The following MYOF variants were observed in gnomAD, a reference collection of about 807,000 sequenced individuals.
The protein encoded by MYOF is fer-1-like 3, myoferlin.
In MYOF, 244 loss-of-function variants were observed where a neutral mutation model predicts 284.2. The observed-to-expected ratio is 0.86, with a 90% confidence interval of 0.77 to 0.95. The LOEUF (loss-of-function observed/expected upper bound fraction) is 0.95, where lower values mean the gene tolerates loss of function less well. Ranked by LOEUF, MYOF falls within the 40% of genes least tolerant of loss-of-function variation. The pLI is 0.00. For synonymous variants in MYOF, 904 were observed against 919.7 expected (o/e 0.98, Z 0.31); for missense variants, 2,496 against 2,560.6 (o/e 0.97, Z 0.54).
intron 37 of MYOF, among the ~76,000 whole-genome samples, chr10:93,345,009 C>T (rs529409005): frequency 3.3e-5 from 5 of 152,094 alleles, no homozygotes; most frequent in African/African-American, 4.8e-5. Context: ...CACCCTGGGG[C>T]GGGGGTAGGA....
At position 93,453,113 on chromosome 10, in the gene MYOF, A is replaced by AG. The variant is rs1436679502; in HGVS notation, c.145-973_145-972insC. ...TTATTTTTAGCACTTCTAAAAAAAA[A>AG]CAAGTTCTCAGTCTCCTCAGTAGCT... On this transcript the variant is annotated intron_variant, in intron 2 of 53. Transcript: ENST00000359263. 3.3e-5 allele frequency among the ~76,000 whole-genome samples: 5 copies of AG among 152,200 alleles called. No individual in the cohort carries two copies. In the East Asian group the frequency reaches 9.7e-4, roughly 29 times the overall value.
rs185543991 is a variant in MYOF, at chr10:93,385,465, T to G, written c.1698+2332A>C. ...CTTTAGCTTTACCAAAAAGTTTTGT[T>G]AGCTGCACATAATCCAGAACAGAGG... On this transcript the variant is annotated intron_variant, in intron 19 of 53. Transcript: ENST00000359263. Among the ~76,000 whole-genome samples the G allele has an allele frequency of 5.3e-3, 803 of 152,308 alleles. 1 individual carries two copies. The highest frequency in any genetic ancestry group is 8.7e-3 in the Non-Finnish European group (594 of 68,026).
At chr10:93,377,715 A>C (rs1845899037) in intron 21 of MYOF, among the ~76,000 whole-genome samples, 1 of 152,176 alleles carries the variant, frequency 6.6e-6, no homozygotes, top group Non-Finnish European at 1.5e-5. Flanking sequence ...AGGCAGAAAA[A>C]AAAAACCCAT....
At chr10:93,308,631 T>C (rs1400545413) in intron 53 of MYOF, among the ~76,000 whole-genome samples, 1 of 150,504 alleles carries the variant, frequency 6.6e-6, no homozygotes, top group Non-Finnish European at 1.5e-5. Flanking sequence ...TGTATAATAG[T>C]GTACATATAC....
At chr10:93,309,184 C>T (rs751147154) in intron 53 of MYOF, among the ~76,000 whole-genome samples, 22 of 152,152 alleles carry the variant, frequency 1.4e-4, no homozygotes, top group Non-Finnish European at 3.1e-4. Flanking sequence ...GGGGTGCCCA[C>T]GGTTGTTTGT....
intron 1 of MYOF, among the ~76,000 whole-genome samples, chr10:93,463,394 A>ATTT (rs1554872325): frequency 2.7e-4 from 21 of 78,914 alleles, no homozygotes; most frequent in African/African-American, 3.3e-4. Context: ...GTCTCTACAA[A>ATTT]TTTTTTTTTT....
intron 1 of MYOF, among the ~76,000 whole-genome samples, chr10:93,462,391 C>A (rs185711452): frequency 1.3e-5 from 2 of 152,228 alleles, no homozygotes; most frequent in Admixed American, 6.5e-5. Context: ...TTACATGCAT[C>A]ATTTCATTGA....
chr10:93,343,767 CTGT>C, intron 38 of MYOF, 86 bp downstream of exon 38: 1 of 1,336,672 alleles, frequency 7.5e-7, no homozygotes, highest in Non-Finnish European at 1.1e-6. Context: ...TTGCAACAAA[CTGT>C]TGTTTGACTG....
intron 3 of MYOF, among the ~76,000 whole-genome samples, chr10:93,440,526 A>C (rs981631962): frequency 6.6e-6 from 1 of 152,002 alleles, no homozygotes; most frequent in East Asian, 1.9e-4. Flanking sequence ...TCTTCGTATC[A>C]CTTATCACCA....
At chr10:93,378,697 A>ATATATATATATGTATATATATATATG (rs1564664778) in intron 21 of MYOF, among the ~76,000 whole-genome samples, 28 of 63,932 alleles carry the variant, frequency 4.4e-4, no homozygotes, top group African/African-American at 2.2e-3. Flanking sequence ...GTGTGTGTAT[A>ATATATATATATGTATATATATATATG]TATATATATA....
chr10:93,432,378 C>T (rs1235584321), intron 3 of MYOF, among the ~76,000 whole-genome samples: 2 of 151,668 alleles, frequency 1.3e-5, no homozygotes, highest in African/African-American at 2.4e-5. Flanking sequence ...CAGAGTGAGA[C>T]CTTGTCTCAA....
Position 93,347,698 on chromosome 10 carries a change from C to T in MYOF, c.4168G>A (p.Gly1390Ser), listed in dbSNP as rs201567412. 9 of 1,614,146 alleles carry T rather than the reference C, an allele frequency of 5.6e-6. No individual in the cohort carries two copies. The East Asian group carries it at 1.6e-4, about 28-fold the overall frequency. ...HRQFGRKPVV[G>S]QCTIERLDRF... Reference sequence around the variant, plus strand: ...TCCAGGCGCTCGATGGTGCACTGGCCGACGACAGGCTTCCGCCCAAACTGC... The same window carrying T: ...TCCAGGCGCTCGATGGTGCACTGGCTGACGACAGGCTTCCGCCCAAACTGC... The change falls in exon 37 of 54, where the codon GGC (glycine) becomes AGC (serine). Residue 1390 changes from glycine to serine, a missense_variant. This residue lies in a region of MYOF where 2,436 missense variants were observed against 2,480.7 expected (regional missense o/e 0.98). Transcript: ENST00000359263.
At position 93,373,218 on chromosome 10, in the gene MYOF, A is replaced by C. The variant is rs564977843; in HGVS notation, c.2302-133T>G. 3.8e-6 allele frequency: 4 copies of C among 1,044,592 alleles called. No homozygotes were observed. In the South Asian group the frequency reaches 6.2e-5, roughly 16 times the overall value. 64.7% of individuals were successfully genotyped at this position (1,044,592 alleles called of 1,614,324 possible). ...AACGCTGTGGTTAGGGCTCTGTCTC[A>C]AATTCCTGAGCTCCCATCTTCTAGG... On this transcript the variant is annotated intron_variant, in intron 23 of 53. Transcript: ENST00000359263.
intron 16 of MYOF, among the ~76,000 whole-genome samples, chr10:93,393,281 T>A (rs1238160664): frequency 6.6e-6 from 1 of 152,222 alleles, no homozygotes; most frequent in African/African-American, 2.4e-5. Context: ...ATAAAACATT[T>A]ACTTATCTTA....
intron 1 of MYOF, among the ~76,000 whole-genome samples, chr10:93,459,682 T>C (rs970492651): frequency 4.6e-5 from 7 of 152,190 alleles, no homozygotes; most frequent in Non-Finnish European, 1.0e-4. Flanking sequence ...TCTTGGAAAA[T>C]GTCCATAAGG....
intron 1 of MYOF, among the ~76,000 whole-genome samples, chr10:93,478,840 A>AAAAGAAAGAAAGAAAGAAAGAAAGAAAG (rs1333378368): frequency 6.4e-5 from 5 of 78,052 alleles, no homozygotes; most frequent in African/African-American, 2.6e-4. Context: ...AAAAAAAAAA[A>AAAAGAAAGAAAGAAAGAAAGAAAGAAAG]AAAGAAAGAA....
chr10:93,437,800 G>C (rs1849196134), intron 3 of MYOF, among the ~76,000 whole-genome samples: 1 of 152,048 alleles, frequency 6.6e-6, no homozygotes, highest in Admixed American at 6.5e-5. Context: ...TCCCTCCCCA[G>C]CACTTCTCCC....
intron 50 of MYOF, among the ~76,000 whole-genome samples, chr10:93,313,423 C>G (rs1454524709): frequency 6.6e-6 from 1 of 152,202 alleles, no homozygotes; most frequent in Non-Finnish European, 1.5e-5. Context: ...CACAGCATCT[C>G]CTGTTTTCTT....
chr10:93,438,534 C>T (rs1322966657), intron 3 of MYOF, among the ~76,000 whole-genome samples: 1 of 152,174 alleles, frequency 6.6e-6, no homozygotes, highest in African/African-American at 2.4e-5. Context: ...CTTCCCCAGA[C>T]GTCCCTCACC....
Sources: gnomAD v4.1 joint callset for allele counts (sites outside exome capture counted in the v4.1 genomes callset) on GRCh38, gnomAD v4.1.1 for gene constraint, gnomAD v4.1.1 regional missense constraint, MANE v1.5 for transcripts, NCBI Gene and HGNC (gene_info 2026-07-23, HGNC 2026-07-21) for gene names.